Variants in AGBL1 observed in about 807,000 individuals in gnomAD.
AGBL1 encodes the protein cytosolic carboxypeptidase 4.
Under a neutral mutation model 118.9 loss-of-function variants are expected in AGBL1, and 130 were observed. The observed-to-expected ratio is 1.09, with a 90% CI of 0.95 to 1.26. The LOEUF (loss-of-function observed/expected upper bound fraction) is 1.26, where lower values mean the gene tolerates loss of function less well. AGBL1 is among the 50% of genes most tolerant of loss of function. AGBL1 has a pLI of 0.00. For missense variants in AGBL1, 1,584 were observed against 1,298.1 expected, an observed-to-expected ratio of 1.22 and a Z score of -3.38; for synonymous variants, 555 against 478.9, an observed-to-expected ratio of 1.16 and a Z score of -2.08.
intron 21 of AGBL1, among the ~76,000 whole-genome samples, chr15:86,581,408 A>C (rs75061506): frequency 0.019 from 2,841 of 152,234 alleles, 85 homozygotes; most frequent in African/African-American, 0.064. Flanking sequence ...ATTTCTTATA[A>C]GTTTTCTCAT....
chr15:86,390,712 C>G (rs1027144122), intron 17 of AGBL1, among the ~76,000 whole-genome samples: 1 of 130,180 alleles, frequency 7.7e-6, no homozygotes, highest in Non-Finnish European at 1.6e-5. Flanking sequence ...TCTTGTCACC[C>G]AGCCTGGAGT....
chr15:86,116,448 G>A (rs539628430), intron 1 of AGBL1: 1 of 152,344 alleles, frequency 6.6e-6, no homozygotes, highest in Admixed American at 6.5e-5. Context: ...TTCTGGCAGG[G>A]TGTTTCTGGG....
chr15:86,305,719 A>C (rs1285719341), intron 17 of AGBL1, among the ~76,000 whole-genome samples: 1 of 152,192 alleles, frequency 6.6e-6, no homozygotes, highest in African/African-American at 2.4e-5. Context: ...ATGCATGCAC[A>C]CACACATGCA....
chr15:86,850,998 C>T (rs2079400428), intron 22 of AGBL1, among the ~76,000 whole-genome samples: 1 of 152,108 alleles, frequency 6.6e-6, no homozygotes, highest in Non-Finnish European at 1.5e-5. Context: ...TTTCTGCCAT[C>T]ACTTCTATAA....
At chr15:86,582,836 G>A (rs1351124387) in intron 21 of AGBL1, among the ~76,000 whole-genome samples, 2 of 141,572 alleles carry the variant, frequency 1.4e-5, no homozygotes, top group East Asian at 4.5e-4. Context: ...ACAGGAAGGG[G>A]AACATCACAC....
chr15:86,872,013 C>T (rs1454295441), intron 22 of AGBL1, among the ~76,000 whole-genome samples: 1 of 152,186 alleles, frequency 6.6e-6, no homozygotes, highest in East Asian at 1.9e-4. Context: ...TTTTCTCATT[C>T]AGATGAGAAA....
rs375019409 is a variant in AGBL1, at chr15:86,247,682, C to T, written c.538C>T (p.Arg180Cys). ...AALLKSKSNG[R>C]RAVNRGYVTS... ...CCCTTTGTTTTCAGAGTCGAACGGCCGCAGAGCAGTGAACCGAGGCTACGT... is the reference window on the plus strand; with the variant it reads ...CCCTTTGTTTTCAGAGTCGAACGGCTGCAGAGCAGTGAACCGAGGCTACGT... The change falls in exon 7 of 23, where the codon CGC becomes TGC. Residue 180 changes from arginine to cysteine, a missense_variant. Coordinates refer to ENST00000614907, the MANE Select transcript of AGBL1 (RefSeq NM_001386094.1). The T allele has an allele frequency of 1.8e-4, 291 of 1,605,936 alleles. 1 individual carries two copies. The highest frequency in any genetic ancestry group is 5.3e-4 in the African/African-American group (40 of 74,918).
At chr15:86,722,316 C>T (rs540715083) in intron 22 of AGBL1, among the ~76,000 whole-genome samples, 31 of 152,190 alleles carry the variant, frequency 2.0e-4, no homozygotes, top group South Asian at 8.3e-4. Context: ...GAGATATAGA[C>T]CAATGGAACA....
At chr15:86,203,414 C>G (rs1808012149) in intron 5 of AGBL1, among the ~76,000 whole-genome samples, 1 of 152,174 alleles carries the variant, frequency 6.6e-6, no homozygotes, top group South Asian at 2.1e-4. Flanking sequence ...TTTCTAAGGT[C>G]ATTGTTTCTG....
intron 23 of AGBL1, among the ~76,000 whole-genome samples, chr15:86,927,545 C>A (rs909216946): frequency 3.9e-5 from 6 of 152,122 alleles, no homozygotes; most frequent in Non-Finnish European, 8.8e-5. Context: ...TATGATCATA[C>A]TACTGCACTC....
intron 24 of AGBL1, among the ~76,000 whole-genome samples, chr15:87,016,126 C>T (rs570630254): frequency 2.0e-5 from 3 of 152,186 alleles, no homozygotes; most frequent in Non-Finnish European, 2.9e-5. Context: ...TTCCATATCA[C>T]GTCATCATGA....
intron 22 of AGBL1, among the ~76,000 whole-genome samples, chr15:86,718,635 G>A (rs181597080): frequency 1.8e-4 from 28 of 152,306 alleles, no homozygotes; most frequent in Non-Finnish European, 2.2e-4. Context: ...ACCAAGGGGA[G>A]ATGGAGGCAT....
At chr15:86,601,745 C>A (rs2084497134) in intron 21 of AGBL1, among the ~76,000 whole-genome samples, 1 of 152,108 alleles carries the variant, frequency 6.6e-6, no homozygotes, top group Non-Finnish European at 1.5e-5. Flanking sequence ...CATTTAATAG[C>A]AGTTTTAATT....
intron 7 of AGBL1, among the ~76,000 whole-genome samples, chr15:86,254,483 G>T (rs2078864380): frequency 6.6e-6 from 1 of 152,200 alleles, no homozygotes; most frequent in East Asian, 1.9e-4. Flanking sequence ...TGCAAGTAGG[G>T]TATTTATTAC....
chr15:86,285,604 T>A (rs890572255), intron 16 of AGBL1, among the ~76,000 whole-genome samples: 1 of 152,168 alleles, frequency 6.6e-6, no homozygotes, highest in Non-Finnish European at 1.5e-5. Context: ...CACGTGGAAC[T>A]GTGAGTCGAT....
chr15:86,556,190 G>A (rs931535474), intron 21 of AGBL1: 3 of 1,572,688 alleles, frequency 1.9e-6, no homozygotes, highest in East Asian at 4.5e-5. Context: ...ATGACTCATA[G>A]GTTCAGGCCC....
At chr15:86,589,798 C>G (rs1240423740) in intron 21 of AGBL1, among the ~76,000 whole-genome samples, 1 of 152,164 alleles carries the variant, frequency 6.6e-6, no homozygotes, top group African/African-American at 2.4e-5. Context: ...TATCATTTCT[C>G]TATCTGTCCA....
At chr15:86,549,591 C>G (rs2142260745) in intron 20 of AGBL1, among the ~76,000 whole-genome samples, 1 of 151,910 alleles carries the variant, frequency 6.6e-6, no homozygotes, top group African/African-American at 2.4e-5. Context: ...CAGTTTGCAA[C>G]CAAAAACTAC....
At chr15:86,557,100 C>A (rs1225869992) in intron 21 of AGBL1, among the ~76,000 whole-genome samples, 1 of 152,152 alleles carries the variant, frequency 6.6e-6, no homozygotes. Flanking sequence ...GCTCTTGTTT[C>A]TTTGGGATAC....
Sources: allele counts gnomAD v4.1 joint callset (sites outside exome capture counted in the v4.1 genomes callset), GRCh38; gene constraint gnomAD v4.1.1; transcripts MANE v1.5; gene names NCBI Gene and HGNC (gene_info 2026-07-23, HGNC 2026-07-21).